CCNT2: variants seen among roughly 807,000 people sequenced by gnomAD.
CCNT2 encodes cyclin T2, also known as cyclin-T2.
In CCNT2, 18 loss-of-function variants were observed where a neutral mutation model predicts 70.0. That is an observed-to-expected ratio of 0.26 (90% CI 0.18 to 0.38). CCNT2 has a LOEUF of 0.38. CCNT2 is among the 10% of genes least tolerant of loss of function. The pLI is 1.00. For missense variants in CCNT2, 734 were observed against 890.2 expected (o/e 0.82, Z 2.23); for synonymous variants, 334 against 313.3 (o/e 1.07, Z -0.70).
intron 2 of CCNT2, among the ~76,000 whole-genome samples, chr2:134,920,690 CTTTA>C (rs947669533): frequency 4.6e-4 from 70 of 152,178 alleles, no homozygotes; most frequent in East Asian, 9.6e-4. Flanking sequence ...TTAATTCTGT[CTTTA>C]TTTGTTACTT....
intron 4 of CCNT2, among the ~76,000 whole-genome samples, chr2:134,941,214 GCCT>G (rs1681556411): frequency 1.3e-5 from 2 of 152,124 alleles, no homozygotes; most frequent in African/African-American, 4.8e-5. Context: ...TGCCTCTCCT[GCCT>G]CCTCTTTTGT....
At chr2:134,948,282 C>G (rs933064035) in intron 7 of CCNT2, among the ~76,000 whole-genome samples, 1 of 152,162 alleles carries the variant, frequency 6.6e-6, no homozygotes, top group Non-Finnish European at 1.5e-5. Flanking sequence ...AGGCACTGCT[C>G]TACTCCAGCC....
At chr2:134,949,101 A>T (rs1022072670) in intron 7 of CCNT2, among the ~76,000 whole-genome samples, 1 of 151,786 alleles carries the variant, frequency 6.6e-6, no homozygotes, top group Non-Finnish European at 1.5e-5. Flanking sequence ...GCTCACTGCA[A>T]CCTCTGCCTC....
intron 4 of CCNT2, among the ~76,000 whole-genome samples, chr2:134,940,806 C>T (rs572005427): frequency 1.3e-5 from 2 of 152,192 alleles, no homozygotes; most frequent in South Asian, 4.2e-4. Flanking sequence ...CTAGTGATGC[C>T]AGAAGTGCTC....
chr2:134,922,740 A>G (rs1003428944), intron 2 of CCNT2, among the ~76,000 whole-genome samples: 1 of 152,194 alleles, frequency 6.6e-6, no homozygotes, highest in South Asian at 2.1e-4. Context: ...TTAAGTAGAT[A>G]TTGACCCAGC....
rs139159787 is a variant in CCNT2, at chr2:134,956,132, C to T, written c.*1484C>T. On this transcript the variant is annotated 3_prime_UTR_variant, in exon 9 of 9. Transcript: ENST00000264157. Reference sequence around the variant, plus strand: ...GAGTATATTTGAGATTGATTGGATTCGACCTCTTGTTGAACTGAAAACTTA... The same window carrying T: ...GAGTATATTTGAGATTGATTGGATTTGACCTCTTGTTGAACTGAAAACTTA... 214 of 152,662 alleles carry T rather than the reference C, an allele frequency of 1.4e-3. 1 individual carries two copies. Among genetic ancestry groups the T allele is most frequent in the African/African-American group, 4.9e-3 (204 of 41,542 alleles). The allele number at this position is 152,662 out of a possible 1,614,324, so 9.5% of individuals were successfully genotyped here. A position where few individuals can be genotyped will look rare whatever the true frequency, so the allele number is the denominator to read the frequency against.
At position 134,958,482 on chromosome 2, in the gene CCNT2, A is replaced by G. The variant is rs1486491295; in HGVS notation, c.*3834A>G. The G allele has an allele frequency of 2.0e-5, 3 of 152,212 alleles. No individual in the cohort carries two copies. The East Asian group carries it at 5.8e-4, about 29-fold the overall frequency. 9.4% of individuals were successfully genotyped at this position (152,212 alleles called of 1,614,324 possible). ...TGACAGGACAATAGGTGCTAATCTC[A>G]TGTGCCCTAAGATGGACTTATTTAG... On this transcript the variant is annotated 3_prime_UTR_variant, in exon 9 of 9. Transcript: ENST00000264157.
At chr2:134,942,726 G>A in intron 5 of CCNT2, 52 bp downstream of exon 5, 1 of 1,485,694 alleles carries the variant, frequency 6.7e-7, no homozygotes, top group South Asian at 1.3e-5. Flanking sequence ...TTTATTATCT[G>A]TAATTGATTT....
chr2:134,945,768 C>CA (rs752330915), intron 5 of CCNT2: 3 of 1,218,310 alleles, frequency 2.5e-6, no homozygotes, highest in African/African-American at 1.5e-5. Context: ...TCTTCTTCTT[C>CA]TTTTTTTTTT....
At chr2:134,944,816 C>T (rs1681832811) in intron 5 of CCNT2, 1 of 985,018 alleles carries the variant, frequency 1.0e-6, no homozygotes. Flanking sequence ...TTCTCTGTTG[C>T]ACAGTGACTG....
chr2:134,956,473 G>A lies in CCNT2; in HGVS notation c.*1825G>A, dbSNP rs1465889720. 6.6e-6 allele frequency: 1 copy of A among 152,412 alleles called. No homozygotes were observed. The highest frequency in any genetic ancestry group is 1.9e-4 in the East Asian group (1 of 5,182). The allele number at this position is 152,412 out of a possible 1,614,324, so 9.4% of individuals were successfully genotyped here. A position where few individuals can be genotyped will look rare whatever the true frequency, so the allele number is the denominator to read the frequency against. ...TTGTTGCTCTGTATGGCATAATATT[G>A]TATCCATAAACATGGTAATTTTGAT... On this transcript the variant is annotated 3_prime_UTR_variant, in exon 9 of 9. Transcript: ENST00000264157.
rs1363403556 is a variant in CCNT2, at chr2:134,954,504, C to T, written c.2049C>T (p.Thr683=). 1 of 1,614,116 alleles carries T rather than the reference C, an allele frequency of 6.2e-7. No homozygotes were observed. The highest frequency in any genetic ancestry group is 2.2e-5 in the East Asian group (1 of 44,882). ...TYQVGYGHLS[T]LVKLDKKPVE... is the part of the protein sequence containing the mutation. ...AGGTGGGCTACGGACATCTCAGCAC[C>T]CTCGTGAAACTGGACAAGAAGCCAG... The change falls in exon 9 of 9, where the codon ACC becomes ACT. Residue 683 remains threonine (T), a synonymous_variant. Transcript: ENST00000264157.
At chr2:134,920,859 A>G (rs1224838916) in intron 2 of CCNT2, among the ~76,000 whole-genome samples, 1 of 152,212 alleles carries the variant, frequency 6.6e-6, no homozygotes, top group Non-Finnish European at 1.5e-5. Context: ...TTGAAATGGA[A>G]GGAAAGGCTT....
intron 2 of CCNT2, among the ~76,000 whole-genome samples, chr2:134,933,419 G>A (rs569317360): frequency 3.3e-5 from 5 of 152,254 alleles, no homozygotes; most frequent in Middle Eastern, 3.4e-3. Context: ...AGCCAGCAGC[G>A]GAGAGTGAAG....
intron 2 of CCNT2, among the ~76,000 whole-genome samples, chr2:134,928,860 T>C (rs1302808003): frequency 6.6e-6 from 1 of 152,010 alleles, no homozygotes; most frequent in Non-Finnish European, 1.5e-5. Flanking sequence ...GGTTTGGGGG[T>C]AATCTTTAAA....
chr2:134,925,610 T>C (rs111827598), intron 2 of CCNT2, among the ~76,000 whole-genome samples: 2,875 of 152,300 alleles, frequency 0.019, 95 homozygotes, highest in African/African-American at 0.066. Flanking sequence ...TGTTTACTTT[T>C]CTTGCTGTAC....
intron 2 of CCNT2, among the ~76,000 whole-genome samples, chr2:134,922,649 T>C (rs1679994805): frequency 6.6e-6 from 1 of 152,138 alleles, no homozygotes; most frequent in African/African-American, 2.4e-5. Flanking sequence ...AAAAATAAAT[T>C]TAGTAAAGTG....
chr2:134,918,921 A>G lies in CCNT2; in HGVS notation c.67A>G (p.Ser23Gly). The G allele has an allele frequency of 6.2e-7, 1 of 1,614,048 alleles. No homozygotes were observed. Among genetic ancestry groups the G allele is most frequent in the Non-Finnish European group, 8.5e-7 (1 of 1,179,952 alleles). ...FTREQLENTP[S>G]RRCGVEADKE... ...TCGGGAACAGCTGGAGAACACGCCGAGCCGCCGCTGCGGAGTGGAGGCGGA... is the reference window on the plus strand; with the variant it reads ...TCGGGAACAGCTGGAGAACACGCCGGGCCGCCGCTGCGGAGTGGAGGCGGA... The change falls in exon 1 of 9, where the codon AGC becomes GGC. Residue 23 changes from serine (S) to glycine (G), a missense_variant. Ser to Gly is a moderately conservative substitution (Grantham distance 56). Transcript: ENST00000264157.
intron 3 of CCNT2, among the ~76,000 whole-genome samples, chr2:134,938,213 T>C (rs1681304411): frequency 6.6e-6 from 1 of 152,194 alleles, no homozygotes; most frequent in Non-Finnish European, 1.5e-5. Context: ...ATTGACTGTT[T>C]TAAAAATCAG....
Sources: allele counts gnomAD v4.1 joint callset (sites outside exome capture counted in the v4.1 genomes callset), GRCh38; gene constraint gnomAD v4.1.1; transcripts MANE v1.5; gene names NCBI Gene and HGNC (gene_info 2026-07-23, HGNC 2026-07-21).